Variants in DST observed in about 807,000 individuals in gnomAD.
The protein encoded by DST is bullous pemphigoid antigen.
A neutral mutation model predicts 875.2 loss-of-function variants in DST; 253 were observed. That is an observed-to-expected ratio of 0.29 (90% CI 0.26 to 0.32). The LOEUF is 0.32. Among genes scored for constraint, DST ranks in the 10% least tolerant of loss-of-function variants. DST has a pLI of 1.00. For synonymous variants in DST, 3,124 were observed against 3,197.1 expected (o/e 0.98, Z 0.77); for missense variants, 8,287 against 9,111.6 (o/e 0.91, Z 3.68).
chr6:56,761,948 C>T (rs958601779), intron 4 of DST, among the ~76,000 whole-genome samples: 1 of 152,172 alleles, frequency 6.6e-6, no homozygotes, highest in Non-Finnish European at 1.5e-5. Flanking sequence ...TCCAAAACCC[C>T]AAAAGCAATT....
intron 87 of DST, among the ~76,000 whole-genome samples, chr6:56,486,288 G>A (rs888181703): frequency 2.3e-4 from 34 of 150,286 alleles, no homozygotes; most frequent in Admixed American, 9.3e-4. Flanking sequence ...GCGTGAACCC[G>A]GGAGGCAGAG....
chr6:56,462,215 T>C (rs1374958072), intron 102 of DST: 1 of 152,174 alleles, frequency 6.6e-6, no homozygotes, highest in Non-Finnish European at 1.5e-5. Flanking sequence ...TCTAATAAAA[T>C]ATCTGATTAT....
chr6:56,557,984 C>T lies in DST; in HGVS notation c.14441-466G>A, dbSNP rs560341949. Among the ~76,000 whole-genome samples, 10 of 152,206 alleles carry T rather than the reference C, an allele frequency of 6.6e-5. 1 individual carries two copies. The South Asian group carries it at 2.1e-3, about 32-fold the overall frequency. ...TTAACAACCAGCTGCTGGAAAGTTC[C>T]CGTAGGAAGTCTCACCAATTAAACT... On this transcript the variant is annotated intron_variant, in intron 58 of 103. Coordinates refer to ENST00000680361, the MANE Select transcript of DST (RefSeq NM_001374736.1).
chr6:56,600,147 G>A lies in DST; in HGVS notation c.11616C>T (p.Asn3872=), dbSNP rs781115542. ...GICDLLTQTE[N]RLIGHQEAFM... is the part of the protein sequence containing the mutation. ...AGGCTTCTTGGTGACCAATTAGGCG[G>A]TTTTCAGTTTGGGTAAGAAGATCAC... Residue 3872 remains asparagine (N), a synonymous_variant, in exon 45 of 104, where the codon AAC becomes AAT. Coordinates refer to ENST00000680361, the MANE Select transcript of DST (RefSeq NM_001374736.1). The A allele has an allele frequency of 2.4e-5, 38 of 1,612,822 alleles. No individual in the cohort carries two copies. The highest frequency in any genetic ancestry group is 1.6e-4 in the Middle Eastern group (1 of 6,082).
chr6:56,649,283 T>C (rs1187623753), intron 12 of DST, among the ~76,000 whole-genome samples: 1 of 152,210 alleles, frequency 6.6e-6, no homozygotes, highest in Non-Finnish European at 1.5e-5. Context: ...CTTATTATTA[T>C]GTTCAAAGGT....
chr6:56,759,217 G>A (rs139567751), intron 4 of DST, among the ~76,000 whole-genome samples: 2,080 of 152,322 alleles, frequency 0.014, 43 homozygotes, highest in African/African-American at 0.047. Context: ...CTGGGAGGCC[G>A]AAGTGGGCGG....
At chr6:56,646,381 T>C (rs2098942734) in intron 13 of DST, among the ~76,000 whole-genome samples, 199 bp from the exon 14 acceptor site, 1 of 152,190 alleles carries the variant, frequency 6.6e-6, no homozygotes, top group Admixed American at 6.5e-5. Context: ...GAGGGTGTAA[T>C]TATTGATGTG....
intron 4 of DST, among the ~76,000 whole-genome samples, chr6:56,769,595 G>A (rs977618467): frequency 6.6e-6 from 1 of 152,084 alleles, no homozygotes; most frequent in Non-Finnish European, 1.5e-5. Context: ...CAAAGCGGGT[G>A]GATTGAGTCC....
chr6:56,832,229 AATCCC>A (rs1393861114), intron 4 of DST, among the ~76,000 whole-genome samples: 4 of 152,186 alleles, frequency 2.6e-5, no homozygotes, highest in African/African-American at 9.7e-5. Context: ...ATTTTGGCCA[AATCCC>A]ATCCTGAATT....
intron 2 of DST, among the ~76,000 whole-genome samples, chr6:56,947,677 T>C (rs1159310655): frequency 6.6e-6 from 1 of 152,248 alleles, no homozygotes; most frequent in Non-Finnish European, 1.5e-5. Flanking sequence ...GACACTTATG[T>C]CTACTTCCAG....
At chr6:56,503,940 T>A (rs1294392415) in intron 78 of DST, 57 bp downstream of exon 78, 17 of 1,151,528 alleles carry the variant, frequency 1.5e-5, no homozygotes, top group South Asian at 3.0e-5. Flanking sequence ...CAAAATTATG[T>A]GAATCAAGGA....
At position 56,632,921 on chromosome 6, in the gene DST, T is replaced by G. The variant is rs776464432; in HGVS notation, c.3738A>C (p.Thr1246=). The G allele has an allele frequency of 1.2e-6, 2 of 1,613,974 alleles. No homozygotes were observed. Among genetic ancestry groups the G allele is most frequent in the South Asian group, 2.2e-5 (2 of 91,082 alleles). ...ESQVFSGSDI[T]QLEKEVNVCK... The stretch of plus-strand genomic sequence containing the variant: ...ATACATTAACCTCCTTTTCCAGTTG[T>G]GTTATATCTGAGCCTGAAAAGACTT... Residue 1246 remains threonine (T), a synonymous_variant, in exon 28 of 104, where the codon ACA becomes ACC. Transcript: ENST00000680361.
At chr6:56,542,420 A>G (rs1229077815) in intron 61 of DST, 2 of 125,056 alleles carry the variant, frequency 1.6e-5, no homozygotes, top group Non-Finnish European at 3.2e-5. Flanking sequence ...TGTACTACTA[A>G]GCTTCTTTAA....
intron 5 of DST, among the ~76,000 whole-genome samples, chr6:56,713,415 C>T (rs1408528590): frequency 1.3e-5 from 2 of 152,190 alleles, no homozygotes; most frequent in African/African-American, 2.4e-5. Flanking sequence ...CACACACACA[C>T]ACAATCAAAG....
At chr6:56,778,515 A>T (rs1168735098) in intron 4 of DST, among the ~76,000 whole-genome samples, 3 of 148,572 alleles carry the variant, frequency 2.0e-5, no homozygotes, top group Non-Finnish European at 4.5e-5. Flanking sequence ...GTATATCTCC[A>T]AATGGTATCC....
intron 22 of DST, among the ~76,000 whole-genome samples, chr6:56,637,105 AAAC>A (rs1457061489): frequency 1.4e-5 from 2 of 143,308 alleles, no homozygotes; most frequent in African/African-American, 5.7e-5. Context: ...ACAAACAAAC[AAAC>A]AAAAAAAAAA....
At chr6:56,729,089 A>G (rs2099485605) in intron 5 of DST, among the ~76,000 whole-genome samples, 1 of 152,114 alleles carries the variant, frequency 6.6e-6, no homozygotes, top group Non-Finnish European at 1.5e-5. Context: ...ACAGTCTATC[A>G]GTGTTCCTTG....
Position 56,606,560 on chromosome 6 carries a change from C to G in DST, c.8068G>C (p.Asp2690His). 6.2e-7 allele frequency: 1 copy of G among 1,613,484 alleles called. No individual in the cohort carries two copies. Among genetic ancestry groups the G allele is most frequent in the Non-Finnish European group, 8.5e-7 (1 of 1,179,610 alleles). ...TCTTTCTCAACATCCATAAGGAAAT[C>G]CTGAAGACAATGTGCTTTGTTCTTC... ...SVKNKAHCLQ[D>H]FLMDVEKDEL... The change falls in exon 40 of 104, where the codon GAT becomes CAT. Residue 2690 changes from aspartate (D) to histidine (H), a missense_variant. Transcript: ENST00000680361.
intron 2 of DST, among the ~76,000 whole-genome samples, chr6:56,933,002 T>C (rs1265727988): frequency 6.6e-6 from 1 of 151,924 alleles, no homozygotes; most frequent in Non-Finnish European, 1.5e-5. Context: ...AGATAAAATC[T>C]TAACATATGT....
Sources: allele counts gnomAD v4.1 joint callset (sites outside exome capture counted in the v4.1 genomes callset), GRCh38; gene constraint gnomAD v4.1.1; transcripts MANE v1.5; gene names NCBI Gene and HGNC (gene_info 2026-07-23, HGNC 2026-07-21).